Variants in CCSER1 observed in about 807,000 individuals in gnomAD.
CCSER1 encodes coiled-coil serine rich protein 1.
A neutral mutation model predicts 82.0 loss-of-function variants in CCSER1; 41 were observed. The observed-to-expected ratio is 0.50, with a 90% CI of 0.39 to 0.65. The LOEUF (loss-of-function observed/expected upper bound fraction) is 0.65, where lower values mean the gene tolerates loss of function less well. Ranked by LOEUF, CCSER1 falls within the 30% of genes least tolerant of loss-of-function variation. The pLI is 0.00. For synonymous variants in CCSER1, 414 were observed against 383.9 expected (o/e 1.08, Z -0.92); for missense variants, 1,119 against 1,064.2 (o/e 1.05, Z -0.72).
intron 10 of CCSER1, among the ~76,000 whole-genome samples, chr4:91,101,571 G>T (rs1177284886): frequency 6.6e-6 from 1 of 150,952 alleles, no homozygotes; most frequent in Non-Finnish European, 1.5e-5. Context: ...GGAGGCGGAG[G>T]TTGCAGTGAG....
At chr4:91,584,268 G>GA (rs1029360688) in intron 10 of CCSER1, among the ~76,000 whole-genome samples, 2 of 151,246 alleles carry the variant, frequency 1.3e-5, no homozygotes. Context: ...AGTTTTCAGA[G>GA]AAAAAATAAA....
chr4:91,190,510 A>T (rs1270668887), intron 10 of CCSER1, among the ~76,000 whole-genome samples: 2 of 152,190 alleles, frequency 1.3e-5, no homozygotes, highest in African/African-American at 4.8e-5. Flanking sequence ...TGTAAAGGAA[A>T]TTTTTTGAAC....
intron 10 of CCSER1, among the ~76,000 whole-genome samples, chr4:91,103,000 T>A (rs1725234455): frequency 6.6e-6 from 1 of 152,256 alleles, no homozygotes; most frequent in African/African-American, 2.4e-5. Flanking sequence ...ATTTTCATAT[T>A]GAACAAATAA....
intron 10 of CCSER1, among the ~76,000 whole-genome samples, chr4:91,426,599 A>G (rs1157545893): frequency 2.6e-5 from 4 of 152,178 alleles, no homozygotes; most frequent in Non-Finnish European, 5.9e-5. Flanking sequence ...TTTTAAAAAA[A>G]CTTAGTCTAT....
chr4:90,558,955 T>A (rs1196936411), intron 5 of CCSER1, among the ~76,000 whole-genome samples: 5 of 152,142 alleles, frequency 3.3e-5, no homozygotes, highest in African/African-American at 1.2e-4. Flanking sequence ...ACATGGTGGG[T>A]GAAGCAAAAA....
chr4:90,240,295 G>A (rs1036357503), intron 1 of CCSER1, among the ~76,000 whole-genome samples: 5 of 152,152 alleles, frequency 3.3e-5, no homozygotes, highest in Non-Finnish European at 5.9e-5. Context: ...GGGGCTTCAG[G>A]TAGATGGCCC....
At chr4:90,911,489 A>G (rs1726349427) in intron 8 of CCSER1, 1 of 330,868 alleles carries the variant, frequency 3.0e-6, no homozygotes, top group Non-Finnish European at 6.0e-6. Flanking sequence ...TATTTAAATA[A>G]TCTTGGGGGC....
intron 10 of CCSER1, among the ~76,000 whole-genome samples, chr4:91,328,794 A>C (rs1746742637): frequency 6.6e-6 from 1 of 152,152 alleles, no homozygotes; most frequent in Non-Finnish European, 1.5e-5. Context: ...GTCCTCACCC[A>C]AATATCACCT....
rs182667443 is a variant in CCSER1, at chr4:90,837,995, A to G, written c.2094+22150A>G. 3.4e-3 allele frequency among the ~76,000 whole-genome samples: 518 copies of G among 152,220 alleles called. 4 individuals are homozygous for G. Among genetic ancestry groups the G allele is most frequent in the Non-Finnish European group, 4.8e-3 (328 of 67,984 alleles). On this transcript the variant is annotated intron_variant, in intron 8 of 10. Transcript: ENST00000509176. ...GAAATTGCATATTAAAATGCCCTGCATAATTTCTAGCACATAGTAGCTATT... is the reference window on the plus strand; with the variant it reads ...GAAATTGCATATTAAAATGCCCTGCGTAATTTCTAGCACATAGTAGCTATT...
At chr4:91,480,196 T>A (rs1348165261) in intron 10 of CCSER1, among the ~76,000 whole-genome samples, 2 of 152,090 alleles carry the variant, frequency 1.3e-5, no homozygotes, top group Non-Finnish European at 2.9e-5. Flanking sequence ...AATGCCGCAA[T>A]GAACATACAT....
chr4:90,416,158 C>T (rs1007072240), intron 4 of CCSER1, among the ~76,000 whole-genome samples: 1 of 150,574 alleles, frequency 6.6e-6, no homozygotes, highest in Non-Finnish European at 1.5e-5. Context: ...GTACGTATAT[C>T]AAATCATTAC....
At chr4:90,439,574 T>G (rs1186354018) in intron 4 of CCSER1, among the ~76,000 whole-genome samples, 1 of 152,216 alleles carries the variant, frequency 6.6e-6, no homozygotes, top group Admixed American at 6.5e-5. Flanking sequence ...TTTTCCAAAT[T>G]GTCCCCTTAG....
chr4:90,542,670 G>C (rs1776256692), intron 5 of CCSER1, among the ~76,000 whole-genome samples: 1 of 152,032 alleles, frequency 6.6e-6, no homozygotes, highest in South Asian at 2.1e-4. Flanking sequence ...TAACTATAAA[G>C]ACCTTTACAA....
At chr4:90,921,314 G>A (rs913716843) in intron 8 of CCSER1, among the ~76,000 whole-genome samples, 16 of 146,500 alleles carry the variant, frequency 1.1e-4, no homozygotes, top group African/African-American at 3.6e-4. Flanking sequence ...CTTAATTATT[G>A]TACCTAAGTC....
intron 8 of CCSER1, among the ~76,000 whole-genome samples, chr4:90,889,391 C>G (rs753469133): frequency 5.9e-5 from 9 of 152,104 alleles, no homozygotes; most frequent in Non-Finnish European, 7.4e-5. Flanking sequence ...CTTCTCCCCA[C>G]GCAAGTTAAG....
chr4:90,832,387 C>T (rs1208468178), intron 8 of CCSER1, among the ~76,000 whole-genome samples: 1 of 151,960 alleles, frequency 6.6e-6, no homozygotes, highest in East Asian at 1.9e-4. Flanking sequence ...GAGCAAGCTA[C>T]ATAAATAATG....
At chr4:90,198,647 A>G (rs1737054364) in intron 1 of CCSER1, among the ~76,000 whole-genome samples, 1 of 152,156 alleles carries the variant, frequency 6.6e-6, no homozygotes. Context: ...ACTTTTGTCT[A>G]TAGTCAGCAA....
chr4:91,221,733 T>A (rs1737759416), intron 10 of CCSER1, among the ~76,000 whole-genome samples: 1 of 152,070 alleles, frequency 6.6e-6, no homozygotes, highest in Non-Finnish European at 1.5e-5. Flanking sequence ...TGCCAAGCAT[T>A]GTGGGTATAG....
At chr4:90,975,654 T>C (rs1735545777) in intron 9 of CCSER1, among the ~76,000 whole-genome samples, 1 of 151,212 alleles carries the variant, frequency 6.6e-6, no homozygotes, top group African/African-American at 2.4e-5. Context: ...AGTAGTAGTA[T>C]GGTTATCATT....
Sources: gnomAD v4.1 joint callset for allele counts (sites outside exome capture counted in the v4.1 genomes callset) on GRCh38, gnomAD v4.1.1 for gene constraint, MANE v1.5 for transcripts, NCBI Gene and HGNC (gene_info 2026-07-23, HGNC 2026-07-21) for gene names.